CP: variants seen among roughly 807,000 people sequenced by gnomAD.
CP encodes caeruloplasmin.
A neutral mutation model predicts 122.4 loss-of-function variants in CP; 64 were observed. The ratio of observed to expected loss-of-function variants is 0.52; its 90% CI spans 0.43 to 0.64. The LOEUF is 0.64. Among genes scored for constraint, CP ranks in the 30% least tolerant of loss-of-function variants. The pLI, the probability that CP is intolerant of heterozygous loss-of-function variation, is 0.00. For synonymous variants in CP, 440 were observed against 436.4 expected (o/e 1.01, Z -0.10); for missense variants, 1,167 against 1,284.4 (o/e 0.91, Z 1.40).
Position 149,188,067 on chromosome 3 carries a change from A to G in CP, c.1849T>C (p.Ser617Pro). 2 of 1,611,830 alleles carry G rather than the reference A, an allele frequency of 1.2e-6. No homozygotes were observed. The highest frequency in any genetic ancestry group is 2.2e-5 in the South Asian group (2 of 90,986). ...CAGTACTTACAGTGCATTTTATTAG[A>G]TTCCTGAAAGTCTTCATCTTCCTTA... ...VDKEDEDFQE[S>P]NKMHSMNGFM... Residue 617 changes from serine (S) to proline (P), a missense_variant, in exon 10 of 19, where the codon TCT (serine) becomes CCT (proline). Coordinates refer to ENST00000264613, the MANE Select transcript of CP (RefSeq NM_000096.4).
chr3:149,196,886 C>G (rs915190087), intron 9 of CP, among the ~76,000 whole-genome samples: 5 of 152,212 alleles, frequency 3.3e-5, no homozygotes, highest in Admixed American at 1.3e-4. Flanking sequence ...CCTGAAGTAA[C>G]TGAAGAATCA....
chr3:149,188,284 ACACACCTAAAGG>A, intron 9 of CP, 82 bp from the exon 10 acceptor site: 2 of 1,165,620 alleles, frequency 1.7e-6, no homozygotes, highest in Non-Finnish European at 2.5e-6. Flanking sequence ...TTATGCACAA[ACACACCTAAAGG>A]AAAGAATGAG....
chr3:149,166,816 T>G (rs1403726819), intron 4 of CP, among the ~76,000 whole-genome samples: 1 of 152,220 alleles, frequency 6.6e-6, no homozygotes, highest in African/African-American at 2.4e-5. Flanking sequence ...TTAAAAATGA[T>G]TGCTTTCTAT....
intron 13 of CP, among the ~76,000 whole-genome samples, chr3:149,182,681 T>C (rs1391377602): frequency 1.3e-5 from 2 of 152,218 alleles, no homozygotes; most frequent in Non-Finnish European, 2.9e-5. Context: ...TCCTAAAAAA[T>C]TGAAGGCAGC....
intron 1 of CP, among the ~76,000 whole-genome samples, chr3:149,212,920 A>T (rs1303611723): frequency 1.3e-5 from 2 of 152,238 alleles, no homozygotes; most frequent in Non-Finnish European, 2.9e-5. Context: ...TCAGAGAACC[A>T]TCTGCGAAGG....
downstream of CP, among the ~76,000 whole-genome samples, chr3:149,167,734 A>G (rs1210996987): frequency 6.6e-6 from 1 of 152,238 alleles, no homozygotes; most frequent in Non-Finnish European, 1.5e-5. Context: ...AAGGCAGAAG[A>G]CTGGCTGCTG....
At chr3:149,193,638 A>G (rs77905458) in intron 9 of CP, among the ~76,000 whole-genome samples, 14,744 of 152,148 alleles carry the variant, frequency 0.097, 1,998 homozygotes, top group African/African-American at 0.31. Flanking sequence ...AAAGGTCAGG[A>G]ACTTGCTTTA....
At chr3:149,197,118 C>G (rs1373486914) in intron 9 of CP, among the ~76,000 whole-genome samples, 2 of 152,086 alleles carry the variant, frequency 1.3e-5, no homozygotes, top group East Asian at 1.9e-4. Flanking sequence ...TTTACCTACC[C>G]AAATCCTATA....
intron 8 of CP, among the ~76,000 whole-genome samples, chr3:149,198,786 G>T (rs1265943471): frequency 6.6e-6 from 1 of 152,206 alleles, no homozygotes; most frequent in Non-Finnish European, 1.5e-5. Flanking sequence ...CCTGGGAGTG[G>T]TGCCCCTCTT....
downstream of CP, chr3:149,172,182 C>G (rs1042706528): frequency 6.2e-7 from 1 of 1,613,244 alleles, no homozygotes; most frequent in Non-Finnish European, 8.5e-7. Context: ...TTTTTCTTGC[C>G]ATATCTTCTC....
chr3:149,166,870 A>G (rs940353845), intron 4 of CP, among the ~76,000 whole-genome samples: 1 of 152,210 alleles, frequency 6.6e-6, no homozygotes, highest in Admixed American at 6.5e-5. Context: ...ATTATATTAT[A>G]CTTAGATTTA....
chr3:149,175,369 G>A (rs1725352416), intron 18 of CP, among the ~76,000 whole-genome samples: 1 of 152,074 alleles, frequency 6.6e-6, no homozygotes, highest in East Asian at 1.9e-4. Flanking sequence ...TAAGTTGTTT[G>A]TGTAAGACCC....
chr3:149,202,341 T>C (rs1727387974), intron 6 of CP, 100 bp from the exon 7 acceptor site: 2 of 1,446,512 alleles, frequency 1.4e-6, no homozygotes, highest in Non-Finnish European at 1.9e-6. Flanking sequence ...TGACCAGTGC[T>C]TAGAGATGAA....
intron 2 of CP, 54 bp downstream of exon 2, chr3:149,212,397 A>C: frequency 6.2e-7 from 1 of 1,603,460 alleles, no homozygotes; most frequent in Non-Finnish European, 8.5e-7. Flanking sequence ...AGAAGCTAAA[A>C]GGCACTTCTA....
intron 10 of CP, among the ~76,000 whole-genome samples, chr3:149,187,546 C>T (rs967339624): frequency 3.9e-5 from 6 of 152,182 alleles, no homozygotes; most frequent in African/African-American, 9.7e-5. Flanking sequence ...CCAGTTGATT[C>T]TAATGTGCAG....
At chr3:149,210,913 A>G (rs531523371) in intron 2 of CP, among the ~76,000 whole-genome samples, 2 of 152,334 alleles carry the variant, frequency 1.3e-5, no homozygotes, top group Admixed American at 1.3e-4. Flanking sequence ...GTATCATCAA[A>G]TTATTTTAAA....
Position 149,210,447 on chromosome 3 carries a change from C to A in CP, c.395-68G>T, listed in dbSNP as rs1379908213. 1.8e-5 allele frequency: 23 copies of A among 1,300,572 alleles called. 1 individual carries two copies. In the South Asian group the frequency reaches 2.0e-4, roughly 12 times the overall value. The allele number at this position is 1,300,572 out of a possible 1,614,324, so 80.6% of individuals were successfully genotyped here. ...GAACTTAAATGAGAGAATAGATAGT[C>A]CATTAATTCATTCAGCAAACATTTA... On this transcript the variant is annotated intron_variant, in intron 2 of 18. Transcript: ENST00000264613.
chr3:149,172,211 C>T (rs2108199229), downstream of CP: 1 of 1,612,406 alleles, frequency 6.2e-7, no homozygotes, highest in African/African-American at 1.3e-5. Context: ...TCGAAAGAAA[C>T]CATTGACTTA....
At chr3:149,179,735 C>T in intron 14 of CP, 73 bp from the exon 15 acceptor site, 3 of 872,262 alleles carry the variant, frequency 3.4e-6, no homozygotes, top group Middle Eastern at 2.6e-4. Flanking sequence ...CACACACACA[C>T]ACACACACAC....
Sources: allele counts gnomAD v4.1 joint callset (sites outside exome capture counted in the v4.1 genomes callset), GRCh38; gene constraint gnomAD v4.1.1; transcripts MANE v1.5; gene names NCBI Gene and HGNC (gene_info 2026-07-23, HGNC 2026-07-21).